The following HDLBP variants were observed in gnomAD, a reference collection of about 807,000 sequenced individuals.
The protein encoded by HDLBP is vigilin.
A neutral mutation model predicts 137.3 loss-of-function variants in HDLBP; 30 were observed. The ratio of observed to expected loss-of-function variants is 0.22; its 90% CI spans 0.16 to 0.30. The LOEUF (loss-of-function observed/expected upper bound fraction) is 0.30, where lower values mean the gene tolerates loss of function less well. Ranked by LOEUF, HDLBP falls within the 10% of genes least tolerant of loss-of-function variation. HDLBP has a pLI of 1.00. For synonymous variants in HDLBP, 606 were observed against 596.0 expected (o/e 1.02, Z -0.24); for missense variants, 1,119 against 1,667.3 (o/e 0.67, Z 5.73).
chr2:241,248,489 C>T, intron 12 of HDLBP, 141 bp from the exon 13 acceptor site: 1 of 681,544 alleles, frequency 1.5e-6, no homozygotes, highest in Admixed American at 2.2e-5. Flanking sequence ...CCTCGTAGCA[C>T]CCCGGGAGCA....
chr2:241,296,089 A>G (rs914718157), intron 1 of HDLBP, among the ~76,000 whole-genome samples: 1 of 146,902 alleles, frequency 6.8e-6, no homozygotes, highest in African/African-American at 2.5e-5. Context: ...AAACCAGGCT[A>G]GAAAATTTTG....
rs2076050298 is a variant in HDLBP, at chr2:241,315,616, A to T, written c.-149T>A. 6.6e-6 allele frequency: 1 copy of T among 152,276 alleles called. No homozygotes were observed. Among genetic ancestry groups the T allele is most frequent in the Non-Finnish European group, 1.5e-5 (1 of 68,152 alleles). 9.4% of individuals were successfully genotyped at this position (152,276 alleles called of 1,614,324 possible). A position where few individuals can be genotyped will look rare whatever the true frequency, so the allele number is the denominator to read the frequency against. ...AAGAAAACCGAGCTCATAAGGTAGG[A>T]ACTGTGGCGAAACAGGGACAAGCCG... On this transcript the variant is annotated 5_prime_UTR_variant, in exon 1 of 28. Coordinates refer to ENST00000310931, the MANE Select transcript of HDLBP (RefSeq NM_005336.6).
rs1281120439 is a variant in HDLBP at position 241,273,187 on chromosome 2, C to T, written c.-102-4646G>A. 4 of 985,372 alleles carry T rather than the reference C, an allele frequency of 4.1e-6. No individual in the cohort carries two copies. In the African/African-American group the frequency reaches 7.0e-5, roughly 17 times the overall value. 61.0% of individuals were successfully genotyped at this position (985,372 alleles called of 1,614,324 possible). ...CAGAAGAAAAACCTCAAAGGATGCCCACCACATCGTAAACGGATGGCCACA... is the reference window on the plus strand; with the variant it reads ...CAGAAGAAAAACCTCAAAGGATGCCTACCACATCGTAAACGGATGGCCACA... On this transcript the variant is annotated intron_variant, in intron 1 of 27. Coordinates refer to ENST00000310931, the MANE Select transcript of HDLBP (RefSeq NM_005336.6).
At chr2:241,278,375 G>T (rs559677626) in intron 1 of HDLBP, among the ~76,000 whole-genome samples, 2 of 152,320 alleles carry the variant, frequency 1.3e-5, no homozygotes, top group South Asian at 4.1e-4. Flanking sequence ...CTGAGGTCAA[G>T]AGTTCGAGAC....
At chr2:241,254,645 C>T (rs535001388) in intron 9 of HDLBP, among the ~76,000 whole-genome samples, 6 of 152,164 alleles carry the variant, frequency 3.9e-5, no homozygotes, top group South Asian at 4.2e-4. Flanking sequence ...CCACCAAGCC[C>T]GGCTAATTTT....
chr2:241,280,626 C>G (rs1313184114), intron 1 of HDLBP, among the ~76,000 whole-genome samples: 1 of 152,178 alleles, frequency 6.6e-6, no homozygotes, highest in Non-Finnish European at 1.5e-5. Context: ...TTATCCGAGT[C>G]ATTATAGGCA....
At chr2:241,261,928 G>A (rs2073229680) in intron 5 of HDLBP, among the ~76,000 whole-genome samples, 1 of 152,202 alleles carries the variant, frequency 6.6e-6, no homozygotes, top group Admixed American at 6.5e-5. Flanking sequence ...AGATCAAGGA[G>A]ACTCAGTAGC....
intron 12 of HDLBP, chr2:241,249,382 G>A (rs1337892919): frequency 1.5e-5 from 7 of 472,446 alleles, no homozygotes; most frequent in South Asian, 1.1e-4. Context: ...TCACAGCTTG[G>A]CATAAGCATG....
intron 1 of HDLBP, among the ~76,000 whole-genome samples, chr2:241,297,941 G>T (rs1480676249): frequency 1.3e-5 from 2 of 149,770 alleles, no homozygotes; most frequent in Non-Finnish European, 3.0e-5. Context: ...CCAGCTACCG[G>T]GGAGGCTGAG....
At chr2:241,232,899 G>A (rs562013979) in intron 24 of HDLBP, among the ~76,000 whole-genome samples, 51 of 152,234 alleles carry the variant, frequency 3.4e-4, no homozygotes, top group African/African-American at 1.2e-3. Context: ...GGAGCTGGAG[G>A]AGGCAGGGTG....
intron 1 of HDLBP, among the ~76,000 whole-genome samples, chr2:241,270,073 C>T (rs367768339): frequency 6.6e-6 from 1 of 152,174 alleles, no homozygotes; most frequent in African/African-American, 2.4e-5. Flanking sequence ...CATGTCAGCC[C>T]GCACCGACTC....
At chr2:241,305,972 G>C (rs2075557594) in intron 1 of HDLBP, among the ~76,000 whole-genome samples, 1 of 151,944 alleles carries the variant, frequency 6.6e-6, no homozygotes, top group Non-Finnish European at 1.5e-5. Flanking sequence ...GTGTTAGCCA[G>C]GATGGTCTCG....
At chr2:241,263,232 G>A (rs908210413) in intron 4 of HDLBP, among the ~76,000 whole-genome samples, 1 of 152,192 alleles carries the variant, frequency 6.6e-6, no homozygotes, top group Non-Finnish European at 1.5e-5. Flanking sequence ...CCCTGGGGAC[G>A]GCCAGGAAAC....
In HDLBP at chr2:241,233,963, C is replaced by A. The variant is rs866105821; in HGVS notation, c.3145G>T (p.Ala1049Ser). 1 of 1,614,122 alleles carries A rather than the reference C, an allele frequency of 6.2e-7. No homozygotes were observed. Among genetic ancestry groups the A allele is most frequent in the Non-Finnish European group, 8.5e-7 (1 of 1,179,998 alleles). The change falls in exon 24 of 28, where the codon GCT becomes TCT. Residue 1049 changes from alanine to serine, a missense_variant and splice_region_variant. Ala to Ser is a moderately conservative substitution (Grantham distance 99). This residue lies in a region of HDLBP where 618 missense variants were observed against 816.7 expected (regional missense o/e 0.76). Coordinates refer to ENST00000310931, the MANE Select transcript of HDLBP (RefSeq NM_005336.6). The surrounding 1 kb of genome is among the most constrained non-coding windows in gnomAD (Gnocchi z 4.3). ...KELQAEQEDR[A>S]LRSFKLSVTV... Reference sequence around the variant, plus strand: ...ACACTCAGCTTAAAACTCCTTAAAGCCTACAAATGAAAGGAGCAAGAATGA... The same window carrying A: ...ACACTCAGCTTAAAACTCCTTAAAGACTACAAATGAAAGGAGCAAGAATGA...
At position 241,230,857 on chromosome 2, in the gene HDLBP, G is replaced by C. The variant is rs1455825281; in HGVS notation, c.3376C>G (p.Gln1126Glu). ...AILRIVGELE[Q>E]MVSEDVPLDH... is the part of the protein sequence containing the mutation. ...AGCGGGACGTCCTCAGAAACCATCT[G>C]CTCAAGTTCACCCACAATTCTCAGT... Residue 1126 changes from glutamine to glutamate, a missense_variant, in exon 25 of 28, where the codon CAG becomes GAG. Physicochemically the swap from Gln to Glu is conservative, Grantham distance 29. Transcript: ENST00000310931. This position sits in a 1 kb window ranked among gnomAD's most constrained non-coding sequence, Gnocchi z 5.0. The C allele has an allele frequency of 6.2e-7, 1 of 1,614,170 alleles. No homozygotes were observed.
At chr2:241,252,504 A>G (rs374700838) in intron 11 of HDLBP, among the ~76,000 whole-genome samples, 1 of 152,340 alleles carries the variant, frequency 6.6e-6, no homozygotes, top group East Asian at 1.9e-4. Context: ...CCTGTCTCAA[A>G]AAAGTATCCC....
chr2:241,278,455 T>C (rs1038958682), intron 1 of HDLBP, among the ~76,000 whole-genome samples: 21 of 152,092 alleles, frequency 1.4e-4, no homozygotes, highest in Admixed American at 9.8e-4. Flanking sequence ...TGGTGGCACA[T>C]GCCTGTACTC....
chr2:241,240,010 A>G lies in HDLBP; in HGVS notation c.2282T>C (p.Val761Ala), dbSNP rs1424807099. Residue 761 changes from valine (V) to alanine (A), a missense_variant, in exon 18 of 28, where the codon GTC (valine) becomes GCC (alanine). This residue lies in a region of HDLBP where 618 missense variants were observed against 816.7 expected (regional missense o/e 0.76). Coordinates refer to ENST00000310931, the MANE Select transcript of HDLBP (RefSeq NM_005336.6). The surrounding 1 kb of genome is among the most constrained non-coding windows in gnomAD (Gnocchi z 5.5). ...RKVRDSTGAR[V>A]IFPAAEDKDQ... ...CTTGTCCTCAGCCGCAGGGAAGATG[A>G]CACGTGCTCCAGTGCTGTCGCGCAC... is the stretch of plus-strand genomic sequence containing the variant. 1 of 1,614,196 alleles carries G rather than the reference A, an allele frequency of 6.2e-7. No homozygotes were observed. The highest frequency in any genetic ancestry group is 1.3e-5 in the African/African-American group (1 of 75,034).
At chr2:241,246,003 G>C (rs2071642778) in intron 16 of HDLBP, among the ~76,000 whole-genome samples, 1 of 151,400 alleles carries the variant, frequency 6.6e-6, no homozygotes, top group Non-Finnish European at 1.5e-5. Context: ...GGAGAAAATA[G>C]AAAACCCCTT....
Sources: gnomAD v4.1 joint callset for allele counts (sites outside exome capture counted in the v4.1 genomes callset) on GRCh38, gnomAD v4.1.1 for gene constraint, gnomAD v4.1.1 regional missense constraint, Gnocchi (gnomAD v3.1) non-coding constraint, MANE v1.5 for transcripts, NCBI Gene and HGNC (gene_info 2026-07-23, HGNC 2026-07-21) for gene names.